The following PDE4D variants were observed in gnomAD, a reference collection of about 807,000 sequenced individuals.
PDE4D encodes the protein 3',5'-cyclic-AMP phosphodiesterase 4D.
In PDE4D, 24 loss-of-function variants were observed where a neutral mutation model predicts 87.4. The ratio of observed to expected loss-of-function variants is 0.27; its 90% confidence interval spans 0.20 to 0.39. The LOEUF is 0.39. Among genes scored for constraint, PDE4D ranks in the 10% least tolerant of loss-of-function variants. The probability of loss-of-function intolerance (pLI) is 1.00; values close to 1 mark genes in which losing one functional copy is unlikely to be tolerated. For missense variants in PDE4D, 714 were observed against 1,041.0 expected, an observed-to-expected ratio of 0.69 and a Z score of 4.32; for synonymous variants, 384 against 383.2, an observed-to-expected ratio of 1.00 and a Z score of -0.02.
At chr5:59,791,058 C>T (rs1265225812) in intron 1 of PDE4D, among the ~76,000 whole-genome samples, 2 of 152,208 alleles carry the variant, frequency 1.3e-5, no homozygotes, top group Non-Finnish European at 2.9e-5. Flanking sequence ...CTTCCGAGTA[C>T]ACAGACTCAG....
In PDE4D at chr5:59,877,135, G is replaced by T. The variant is rs928679670; in HGVS notation, c.455+16033C>A. Among the ~76,000 whole-genome samples the T allele has an allele frequency of 3.3e-5, 5 of 152,034 alleles. No individual in the cohort carries two copies. In the East Asian group the frequency reaches 9.6e-4, roughly 29 times the overall value. ...TAAAGAATTATTCTTGTCAGGTGTG[G>T]GTCTTAAGAATAGTCATCCTAGAGA... On this transcript the variant is annotated intron_variant, in intron 1 of 14. Coordinates refer to ENST00000340635, the MANE Select transcript of PDE4D (RefSeq NM_001104631.2).
intron 2 of PDE4D, among the ~76,000 whole-genome samples, chr5:59,206,374 T>C (rs1362598164): frequency 6.6e-6 from 1 of 152,200 alleles, no homozygotes; most frequent in African/African-American, 2.4e-5. Context: ...GACAGTATGA[T>C]TTAGTAATAC....
chr5:59,115,738 T>C (rs1773494167), intron 5 of PDE4D, among the ~76,000 whole-genome samples: 2 of 152,124 alleles, frequency 1.3e-5, no homozygotes, highest in African/African-American at 4.8e-5. Flanking sequence ...ATAATTGAGG[T>C]ATAATAGATA....
chr5:59,266,652 T>C (rs760342725), intron 1 of PDE4D, among the ~76,000 whole-genome samples: 4 of 151,884 alleles, frequency 2.6e-5, no homozygotes, highest in Non-Finnish European at 4.4e-5. Flanking sequence ...TGGAGGCTTG[T>C]ATACAAATCT....
intron 1 of PDE4D, among the ~76,000 whole-genome samples, chr5:60,461,866 T>G (rs557387258): frequency 1.8e-4 from 28 of 152,342 alleles, no homozygotes; most frequent in South Asian, 1.7e-3. Flanking sequence ...TCAGACCAGA[T>G]GAAGAATACG....
At chr5:59,262,805 G>A (rs950336468) in intron 1 of PDE4D, among the ~76,000 whole-genome samples, 3 of 151,962 alleles carry the variant, frequency 2.0e-5, no homozygotes, top group Non-Finnish European at 4.4e-5. Context: ...CAGCATGTCA[G>A]TCGGGTGATA....
At chr5:59,733,227 G>T (rs2150618882) in intron 1 of PDE4D, among the ~76,000 whole-genome samples, 1 of 152,190 alleles carries the variant, frequency 6.6e-6, no homozygotes, top group South Asian at 2.1e-4. Context: ...ATATTAAAAA[G>T]AGAGAATTTC....
intron 1 of PDE4D, among the ~76,000 whole-genome samples, chr5:60,193,806 T>C (rs1037489624): frequency 6.6e-6 from 1 of 151,574 alleles, no homozygotes; most frequent in African/African-American, 2.4e-5. Context: ...CAACCAGCTT[T>C]GTACCCTTTC....
At chr5:59,299,092 C>T (rs771160721) in intron 1 of PDE4D, among the ~76,000 whole-genome samples, 17 of 152,154 alleles carry the variant, frequency 1.1e-4, no homozygotes, top group African/African-American at 2.7e-4. Flanking sequence ...TCTGAATACC[C>T]GCCTCTCAAA....
At chr5:60,273,923 G>T (rs1392558627) in intron 1 of PDE4D, among the ~76,000 whole-genome samples, 1 of 152,124 alleles carries the variant, frequency 6.6e-6, no homozygotes, top group Non-Finnish European at 1.5e-5. Context: ...CAATACATGA[G>T]TGTTTCTTGG....
intron 1 of PDE4D, among the ~76,000 whole-genome samples, chr5:59,837,613 C>T (rs974160535): frequency 3.3e-5 from 5 of 151,986 alleles, no homozygotes; most frequent in African/African-American, 1.2e-4. Context: ...ATGTTAAGCA[C>T]GTATTATTTG....
rs139405533 is a variant in PDE4D at position 60,332,697 on chromosome 5, A to C, written c.-89-147010T>G. 4.2e-4 allele frequency among the ~76,000 whole-genome samples: 64 copies of C among 152,314 alleles called. No individual in the cohort carries two copies. In the East Asian group the frequency reaches 0.012, roughly 28 times the overall value. On this transcript the variant is annotated intron_variant, in intron 1 of 16. Coordinates refer to the PDE4D transcript ENST00000502484. ...TATATTCACTCAAATTTATAACAAC[A>C]GAATTATTAATCACTCAATTCAGTG...
chr5:59,764,045 G>A (rs1393172545), intron 1 of PDE4D, among the ~76,000 whole-genome samples: 2 of 152,144 alleles, frequency 1.3e-5, no homozygotes, highest in Non-Finnish European at 2.9e-5. Flanking sequence ...AGTGGGCAGA[G>A]AAGAGACACC....
chr5:60,195,671 C>T (rs562916342), intron 1 of PDE4D, among the ~76,000 whole-genome samples: 2 of 151,630 alleles, frequency 1.3e-5, no homozygotes. Flanking sequence ...TCTCTCTCCA[C>T]GTGGAACTCT....
intron 2 of PDE4D, among the ~76,000 whole-genome samples, chr5:60,057,811 A>T (rs752023571): frequency 6.6e-6 from 1 of 152,036 alleles, no homozygotes; most frequent in Non-Finnish European, 1.5e-5. Context: ...AGAAAATAGA[A>T]GTTATATATT....
chr5:59,461,935 A>C (rs1800843661), intron 1 of PDE4D, among the ~76,000 whole-genome samples: 1 of 152,178 alleles, frequency 6.6e-6, no homozygotes, highest in African/African-American at 2.4e-5. Context: ...TTAATGTTTA[A>C]AATTTAATGA....
intron 1 of PDE4D, among the ~76,000 whole-genome samples, chr5:59,871,094 C>G (rs1747755152): frequency 6.6e-6 from 1 of 152,170 alleles, no homozygotes; most frequent in Non-Finnish European, 1.5e-5. Context: ...CTGTAATTTT[C>G]TTTTAACCAG....
At chr5:59,449,621 G>C (rs1252046775) in intron 1 of PDE4D, among the ~76,000 whole-genome samples, 1 of 152,138 alleles carries the variant, frequency 6.6e-6, no homozygotes. Flanking sequence ...TGTATCAAAT[G>C]ATTTTAGTTT....
chr5:60,006,988 T>G (rs549258402), intron 2 of PDE4D, among the ~76,000 whole-genome samples: 61 of 152,120 alleles, frequency 4.0e-4, no homozygotes, highest in South Asian at 3.3e-3. Flanking sequence ...GGCTTTAGAC[T>G]TTTTATTTTC....
Sources: gnomAD v4.1 joint callset for allele counts (sites outside exome capture counted in the v4.1 genomes callset) on GRCh38, gnomAD v4.1.1 for gene constraint, MANE v1.5 for transcripts, NCBI Gene and HGNC (gene_info 2026-07-23, HGNC 2026-07-21) for gene names.